Variants in CAST observed in about 807,000 individuals in gnomAD.
CAST encodes calpastatin.
Under a neutral mutation model 119.6 loss-of-function variants are expected in CAST, and 76 were observed. That is an observed-to-expected ratio of 0.64 (90% CI 0.53 to 0.77). The LOEUF is 0.77. CAST is among the 30% of genes least tolerant of loss of function. The pLI is 0.00. For missense variants in CAST, 953 were observed against 946.5 expected (o/e 1.01, Z -0.09); for synonymous variants, 319 against 331.6 (o/e 0.96, Z 0.41).
chr5:96,616,122 G>A (rs933773071), intron 1 of CAST, among the ~76,000 whole-genome samples: 4 of 152,126 alleles, frequency 2.6e-5, no homozygotes, highest in South Asian at 2.1e-4. Context: ...CTGTCTTTCC[G>A]AGCCCACTGA....
the CAST span, among the ~76,000 whole-genome samples, chr5:96,035,301 T>G: frequency 6.6e-5 from 10 of 150,560 alleles, no homozygotes; most frequent in Non-Finnish European, 1.3e-4. Context: ...TTTAAATAAT[T>G]GATATAGTAA....
chr5:96,083,468 C>A, the CAST span, among the ~76,000 whole-genome samples: 1 of 152,168 alleles, frequency 6.6e-6, no homozygotes, highest in Non-Finnish European at 1.5e-5. Context: ...GCAGCAACGT[C>A]CTCCCTCCCT....
intron 1 of CAST, among the ~76,000 whole-genome samples, chr5:96,588,284 C>T (rs1366543114): frequency 2.1e-5 from 3 of 142,034 alleles, no homozygotes; most frequent in Non-Finnish European, 4.5e-5. Flanking sequence ...TCACTGCAAC[C>T]TCTGCCTCCC....
the CAST span, among the ~76,000 whole-genome samples, chr5:96,032,264 C>A: frequency 6.6e-6 from 1 of 152,002 alleles, no homozygotes; most frequent in Non-Finnish European, 1.5e-5. Context: ...AGGGTTGAAG[C>A]CAAAATGCAC....
At chr5:96,044,237 A>T in the CAST span, among the ~76,000 whole-genome samples, 1 of 152,296 alleles carries the variant, frequency 6.6e-6, no homozygotes, top group South Asian at 2.1e-4. Flanking sequence ...ATGTGTTGAA[A>T]CCTAACCCCC....
chr5:96,361,765 C>T, the CAST span, among the ~76,000 whole-genome samples: 2 of 87,848 alleles, frequency 2.3e-5, no homozygotes, highest in African/African-American at 4.9e-5. Context: ...CTGACAGGAG[C>T]GATTTGTCTT....
the CAST span, among the ~76,000 whole-genome samples, chr5:96,260,322 TG>T: frequency 6.6e-6 from 1 of 152,168 alleles, no homozygotes. Context: ...TAGCAGCTGT[TG>T]GAACAAAGAC....
the CAST span, among the ~76,000 whole-genome samples, chr5:96,123,767 C>T: frequency 6.6e-6 from 1 of 152,116 alleles, no homozygotes; most frequent in Non-Finnish European, 1.5e-5. Flanking sequence ...GGTTCAACTC[C>T]CGAGTGGGAG....
chr5:96,062,202 G>T, the CAST span, among the ~76,000 whole-genome samples: 1 of 152,102 alleles, frequency 6.6e-6, no homozygotes, highest in Non-Finnish European at 1.5e-5. Flanking sequence ...AAAGAGGAGT[G>T]AAAGTAGACA....
At chr5:95,996,577 A>T in the CAST span, among the ~76,000 whole-genome samples, 16 of 152,294 alleles carry the variant, frequency 1.1e-4, no homozygotes, top group Admixed American at 9.8e-4. Context: ...ACAAATGGAG[A>T]TGTCAGTTGT....
At chr5:96,122,615 A>G in the CAST span, among the ~76,000 whole-genome samples, 2 of 152,248 alleles carry the variant, frequency 1.3e-5, no homozygotes, top group South Asian at 2.1e-4. Flanking sequence ...TCTTGCATCC[A>G]TGTGTTCGAG....
At chr5:96,771,543 C>T in intron 30 of CAST, 101 bp from the exon 31 acceptor site, 1 of 762,478 alleles carries the variant, frequency 1.3e-6, no homozygotes, top group East Asian at 2.7e-5. Context: ...CTTATTTTTC[C>T]CCACTGACTG....
intron 3 of CAST, among the ~76,000 whole-genome samples, chr5:96,703,075 T>C (rs1437555875): frequency 1.3e-5 from 2 of 152,188 alleles, no homozygotes; most frequent in Non-Finnish European, 2.9e-5. Context: ...ACCCTGGCGA[T>C]ACCGTGCGTT....
the CAST span, among the ~76,000 whole-genome samples, chr5:96,442,670 C>G: frequency 6.1e-3 from 931 of 152,292 alleles, 12 homozygotes; most frequent in African/African-American, 0.021. Flanking sequence ...AAGCATCGCT[C>G]CTCCCATTCT....
chr5:96,534,742 A>AGG (rs561170657), intron 1 of CAST, among the ~76,000 whole-genome samples: 3 of 30,928 alleles, frequency 9.7e-5, no homozygotes, highest in Non-Finnish European at 1.2e-4. Flanking sequence ...AGAGAGAGAG[A>AGG]AAGAAAGAAA....
At chr5:96,014,304 C>G in the CAST span, among the ~76,000 whole-genome samples, 2 of 152,096 alleles carry the variant, frequency 1.3e-5, no homozygotes, top group African/African-American at 4.8e-5. Flanking sequence ...AACATGCATG[C>G]AACTGTGATC....
chr5:96,546,524 G>C (rs1746020306), intron 1 of CAST: 2 of 149,072 alleles, frequency 1.3e-5, no homozygotes, highest in South Asian at 4.3e-4. Flanking sequence ...AAAGACAGAA[G>C]CTGTTTCTCA....
At chr5:96,276,019 G>A in the CAST span, among the ~76,000 whole-genome samples, 2 of 152,156 alleles carry the variant, frequency 1.3e-5, no homozygotes, top group African/African-American at 4.8e-5. Context: ...AGCATATATT[G>A]TGATTCTTAG....
the CAST span, among the ~76,000 whole-genome samples, chr5:96,412,752 G>GTTTTTTTGTTTTTT: frequency 5.6e-5 from 4 of 71,806 alleles, 1 homozygote; most frequent in African/African-American, 2.7e-4. Flanking sequence ...CAGCTGTGAT[G>GTTTTTTTGTTTTTT]TTTTTTTTTT....
Sources: gnomAD v4.1 joint callset for allele counts (sites outside exome capture counted in the v4.1 genomes callset) on GRCh38, gnomAD v4.1.1 for gene constraint, MANE v1.5 for transcripts, NCBI Gene and HGNC (gene_info 2026-07-23, HGNC 2026-07-21) for gene names.